The following KIAA0319L variants were observed in gnomAD, a reference collection of about 807,000 sequenced individuals.
KIAA0319L encodes the protein KIAA0319 like, also known as dyslexia-associated protein KIAA0319-like protein.
Under a neutral mutation model 120.1 loss-of-function variants are expected in KIAA0319L, and 55 were observed. That is an observed-to-expected ratio of 0.46 (90% CI 0.37 to 0.57). The LOEUF (loss-of-function observed/expected upper bound fraction) is 0.57. KIAA0319L is among the 20% of genes least tolerant of loss of function. KIAA0319L has a pLI of 0.00. For synonymous variants in KIAA0319L, 398 were observed against 471.9 expected, an observed-to-expected ratio of 0.84 and a Z score of 2.03; for missense variants, 1,049 against 1,255.3, an observed-to-expected ratio of 0.84 and a Z score of 2.48.
intron 3 of KIAA0319L, among the ~76,000 whole-genome samples, chr1:35,495,649 GT>G (rs1644773772): frequency 6.6e-6 from 1 of 151,802 alleles, no homozygotes; most frequent in South Asian, 2.1e-4. Flanking sequence ...GGTTTTGTTT[GT>G]TTGTTTGTTG....
At chr1:35,535,380 C>A (rs568972926) in intron 2 of KIAA0319L, among the ~76,000 whole-genome samples, 2 of 152,256 alleles carry the variant, frequency 1.3e-5, no homozygotes, top group South Asian at 4.2e-4. Flanking sequence ...TCAAGATCAA[C>A]AGCCCTATTC....
At chr1:35,472,206 A>G (rs1029831372) in intron 5 of KIAA0319L, among the ~76,000 whole-genome samples, 1 of 152,254 alleles carries the variant, frequency 6.6e-6, no homozygotes, top group Admixed American at 6.5e-5. Context: ...GCAGGCAGAA[A>G]TATGTTCAAA....
chr1:35,535,307 G>A lies in KIAA0319L; in HGVS notation c.142+19043C>T, dbSNP rs546676957. On this transcript the variant is annotated intron_variant, in intron 2 of 20. Coordinates refer to ENST00000325722, the MANE Select transcript of KIAA0319L (RefSeq NM_024874.5). ...TGAGAAAATAAATTCATTCCCCAAG[G>A]TAATGTTCATACATGTCCCTCATAA... Among the ~76,000 whole-genome samples, 26 of 152,076 alleles carry A rather than the reference G, an allele frequency of 1.7e-4. No homozygotes were observed. The East Asian group carries it at 4.4e-3, about 26-fold the overall frequency.
rs763754953 is a variant in KIAA0319L at position 35,478,291 on chromosome 1, G to C, written c.913+675C>G. 7.1e-5 allele frequency among the ~76,000 whole-genome samples: 10 copies of C among 141,814 alleles called. No homozygotes were observed. In the East Asian group the frequency reaches 2.3e-3, roughly 32 times the overall value. The allele number at this position is 141,814 out of a possible 152,430, so 93.0% of individuals were successfully genotyped here. ...AGTGTGGGGGTAAGAGGGAGGGGGG[G>C]ATGGTTAATGAGTACAAAAAAAAAA... On this transcript the variant is annotated intron_variant, in intron 4 of 20. Transcript: ENST00000325722.
chr1:35,526,390 T>TATATATATATATATATATACATAC (rs1646139557), intron 2 of KIAA0319L, among the ~76,000 whole-genome samples: 8 of 79,122 alleles, frequency 1.0e-4, no homozygotes, highest in African/African-American at 9.8e-4. Flanking sequence ...TATACATACA[T>TATATATATATATATATATACATAC]ATATATATAT....
chr1:35,515,143 T>C (rs1184976664), intron 2 of KIAA0319L, among the ~76,000 whole-genome samples: 3 of 152,042 alleles, frequency 2.0e-5, no homozygotes, highest in Admixed American at 6.5e-5. Flanking sequence ...TGAAACCCCA[T>C]CTCTATTAAA....
intron 2 of KIAA0319L, among the ~76,000 whole-genome samples, chr1:35,521,686 AAGT>A (rs1318749426): frequency 7.3e-5 from 11 of 149,870 alleles, no homozygotes; most frequent in African/African-American, 2.2e-4. Flanking sequence ...ATAAATAAAT[AAGT>A]AGGCCGAGAG....
chr1:35,444,080 A>T, intron 17 of KIAA0319L, 81 bp downstream of exon 17: 1 of 1,174,674 alleles, frequency 8.5e-7, no homozygotes, highest in Non-Finnish European at 1.2e-6. Flanking sequence ...AAAGAAGATG[A>T]AGGCCAAGGA....
At chr1:35,509,182 T>G (rs1430692160) in intron 2 of KIAA0319L, among the ~76,000 whole-genome samples, 1 of 152,076 alleles carries the variant, frequency 6.6e-6, no homozygotes, top group Non-Finnish European at 1.5e-5. Context: ...TCAGGGTGAC[T>G]GGTAGTTAGA....
chr1:35,507,587 T>C (rs1468530656), intron 2 of KIAA0319L, among the ~76,000 whole-genome samples: 1 of 152,034 alleles, frequency 6.6e-6, no homozygotes, highest in Non-Finnish European at 1.5e-5. Context: ...GAAGAACAGG[T>C]AGCAATGTGA....
In KIAA0319L at chr1:35,451,653, G is replaced by A; in HGVS notation, c.2037C>T (p.Ser679=). The A allele has an allele frequency of 6.2e-7, 1 of 1,614,082 alleles. No homozygotes were observed. Among genetic ancestry groups the A allele is most frequent in the Non-Finnish European group, 8.5e-7 (1 of 1,179,996 alleles). The change falls in exon 13 of 21, where the codon AGC becomes AGT. Residue 679 remains serine (S), a synonymous_variant. Transcript: ENST00000325722. ...VKDERNLQSQ[S]SVNVIVKEEI... is the part of the protein sequence containing the mutation. ...CTTCTTTGACAATGACATTCACAGA[G>A]CTCTGGCTTTGCAGGTTCCTCTCAT...
At chr1:35,504,309 C>G (rs971369265) in intron 3 of KIAA0319L, among the ~76,000 whole-genome samples, 14 of 152,058 alleles carry the variant, frequency 9.2e-5, no homozygotes, top group East Asian at 5.8e-4. Context: ...ACATTCTCCT[C>G]CCTCAGCCTC....
At chr1:35,440,981 T>C (rs771632902) in intron 20 of KIAA0319L, 66 bp downstream of exon 20, 6 of 1,209,932 alleles carry the variant, frequency 5.0e-6, no homozygotes, top group South Asian at 1.2e-5. Flanking sequence ...CAGGAGGGGC[T>C]AGTGACAGCA....
At chr1:35,469,983 C>A (rs1643512746) in intron 6 of KIAA0319L, among the ~76,000 whole-genome samples, 1 of 151,944 alleles carries the variant, frequency 6.6e-6, no homozygotes, top group South Asian at 2.1e-4. Context: ...ATCCTCCCAC[C>A]TCCGCCTCCT....
chr1:35,538,590 CAAAAAAAAAAAA>C (rs757522421), intron 2 of KIAA0319L, among the ~76,000 whole-genome samples: 3 of 31,944 alleles, frequency 9.4e-5, no homozygotes, highest in Non-Finnish European at 2.5e-4. Flanking sequence ...AACTCTGTCT[CAAAAAAAAAAAA>C]AAAAAAAAAA....
intron 13 of KIAA0319L, among the ~76,000 whole-genome samples, chr1:35,450,771 C>A (rs1019778493): frequency 6.6e-6 from 1 of 152,176 alleles, no homozygotes; most frequent in African/African-American, 2.4e-5. Flanking sequence ...ATTCTCCCAG[C>A]AGCCTTCCCA....
At chr1:35,467,357 T>TA (rs141567398) in intron 6 of KIAA0319L, among the ~76,000 whole-genome samples, 3,197 of 147,046 alleles carry the variant, frequency 0.022, 107 homozygotes, top group African/African-American at 0.071. Flanking sequence ...AAACTTAATA[T>TA]AAAAAAAAAA....
chr1:35,526,649 G>T (rs964280635), intron 2 of KIAA0319L, among the ~76,000 whole-genome samples: 1 of 151,878 alleles, frequency 6.6e-6, no homozygotes, highest in Non-Finnish European at 1.5e-5. Flanking sequence ...GTCTCACTAA[G>T]TTGCTCAGGC....
At chr1:35,544,064 A>G (rs4653137) in intron 2 of KIAA0319L, among the ~76,000 whole-genome samples, 148,635 of 152,260 alleles carry the variant, frequency 0.98, 72,578 homozygotes, top group East Asian at 1. Context: ...AGTGGGACAA[A>G]ACATAAAAAT....
Sources: allele counts gnomAD v4.1 joint callset (sites outside exome capture counted in the v4.1 genomes callset), GRCh38; gene constraint gnomAD v4.1.1; transcripts MANE v1.5; gene names NCBI Gene and HGNC (gene_info 2026-07-23, HGNC 2026-07-21).